SOD2: variants seen among roughly 807,000 people sequenced by gnomAD.
SOD2 encodes the protein superoxide dismutase [Mn], mitochondrial.
Under a neutral mutation model 27.0 loss-of-function variants are expected in SOD2, and 11 were observed. The ratio of observed to expected loss-of-function variants is 0.41; its 90% CI spans 0.26 to 0.67. The LOEUF is 0.67. Among genes scored for constraint, SOD2 ranks in the 30% least tolerant of loss-of-function variants. The probability of loss-of-function intolerance (pLI) is 0.34; values close to 1 mark genes in which losing one functional copy is unlikely to be tolerated. For synonymous variants in SOD2, 105 were observed against 103.0 expected, an observed-to-expected ratio of 1.02 and a Z score of -0.12; for missense variants, 250 against 274.5, an observed-to-expected ratio of 0.91 and a Z score of 0.63.
chr6:159,685,390 G>A (rs1306660909), intron 3 of SOD2, among the ~76,000 whole-genome samples: 1 of 151,848 alleles, frequency 6.6e-6, no homozygotes, highest in African/African-American at 2.4e-5. Flanking sequence ...TTACAGGCAC[G>A]TGCCATCACG....
chr6:159,715,236 A>G (rs1330875519), intron 1 of SOD2, among the ~76,000 whole-genome samples: 1 of 152,000 alleles, frequency 6.6e-6, no homozygotes, highest in Non-Finnish European at 1.5e-5. Context: ...GAAGACCTGG[A>G]TTGGCCAGTG....
chr6:159,732,129 T>C (rs1778609114), upstream of SOD2, among the ~76,000 whole-genome samples: 3 of 152,162 alleles, frequency 2.0e-5, no homozygotes, highest in Admixed American at 6.5e-5. Context: ...TGCTGTATTT[T>C]TGATCCGAGT....
chr6:159,749,900 T>C (rs1347998659), upstream of SOD2, among the ~76,000 whole-genome samples: 1 of 152,178 alleles, frequency 6.6e-6, no homozygotes, highest in African/African-American at 2.4e-5. Flanking sequence ...TTTCGCTTGG[T>C]GATAATGGAG....
At chr6:159,684,077 C>T (rs768001525) in intron 4 of SOD2, among the ~76,000 whole-genome samples, 41 of 152,100 alleles carry the variant, frequency 2.7e-4, no homozygotes, top group Admixed American at 4.6e-4. Flanking sequence ...CCTGGCACTT[C>T]CAAGCCGAAT....
In SOD2 at chr6:159,678,842, C is replaced by T. The variant is rs1012141805; in HGVS notation, c.*3651G>A. Reference sequence around the variant, plus strand: ...TGTCAGAATTGAATTATAGGACATCCAGCTGGTGTCCACTGGACAACCTGG... The same window carrying T: ...TGTCAGAATTGAATTATAGGACATCTAGCTGGTGTCCACTGGACAACCTGG... On this transcript the variant is annotated 3_prime_UTR_variant, in exon 5 of 5. Coordinates refer to ENST00000538183, the MANE Select transcript of SOD2 (RefSeq NM_000636.4). 6.6e-6 allele frequency: 1 copy of T among 152,216 alleles called. No individual in the cohort carries two copies. Among genetic ancestry groups the T allele is most frequent in the Admixed American group, 6.5e-5 (1 of 15,286 alleles). The allele number at this position is 152,216 out of a possible 1,614,324, so 9.4% of individuals were successfully genotyped here.
At chr6:159,711,697 CCACTCACACTGCTCTGAT>C (rs1382355530) in intron 1 of SOD2, among the ~76,000 whole-genome samples, 5 of 116,048 alleles carry the variant, frequency 4.3e-5, no homozygotes, top group Non-Finnish European at 9.3e-5. Context: ...TCCATAACCA[CCACTCACACTGCTCTGAT>C]CACCATAACC....
intron 1 of SOD2, among the ~76,000 whole-genome samples, chr6:159,744,324 T>A (rs1005591156): frequency 6.6e-6 from 1 of 152,236 alleles, no homozygotes; most frequent in African/African-American, 2.4e-5. Context: ...TCTGGTAGTT[T>A]AGGCTCAATC....
chr6:159,722,424 T>A (rs1009054704), intron 1 of SOD2, among the ~76,000 whole-genome samples: 2 of 152,118 alleles, frequency 1.3e-5, no homozygotes, highest in African/African-American at 4.8e-5. Flanking sequence ...ACAGGGTAAA[T>A]GCTATCTCCC....
chr6:159,708,725 C>G (rs1777673718), intron 1 of SOD2, among the ~76,000 whole-genome samples: 1 of 152,184 alleles, frequency 6.6e-6, no homozygotes, highest in Admixed American at 6.5e-5. Flanking sequence ...ATGCCATCCC[C>G]ATCAAGCTAC....
At chr6:159,682,665 C>A (rs1583003366) in intron 4 of SOD2, 27 bp from the exon 5 acceptor site, 1 of 1,593,806 alleles carries the variant, frequency 6.3e-7, no homozygotes, top group African/African-American at 1.4e-5. Context: ...GAAAACAAAC[C>A]AACCATCAGT....
intron 1 of SOD2, among the ~76,000 whole-genome samples, chr6:159,709,365 C>T (rs555987092): frequency 2.8e-4 from 42 of 152,246 alleles, no homozygotes; most frequent in Non-Finnish European, 5.1e-4. Flanking sequence ...GCAATCTACT[C>T]ATCTGACAAA....
upstream of SOD2, among the ~76,000 whole-genome samples, chr6:159,747,321 T>A (rs1779631298): frequency 6.6e-6 from 1 of 152,140 alleles, no homozygotes; most frequent in Non-Finnish European, 1.5e-5. Flanking sequence ...TGGAAAAAGC[T>A]CTAGACTGGG....
At chr6:159,748,310 T>C, upstream of SOD2, 3 of 1,614,024 alleles carry the variant, frequency 1.9e-6, no homozygotes, top group Non-Finnish European at 2.5e-6. The surrounding 1 kb of genome is among the most constrained non-coding windows in gnomAD (Gnocchi z 5.6). Flanking sequence ...TGGAACAGAC[T>C]AAAGACAAAC....
chr6:159,741,009 A>G (rs1583084801), intron 1 of SOD2, among the ~76,000 whole-genome samples: 1 of 152,080 alleles, frequency 6.6e-6, no homozygotes, highest in African/African-American at 2.4e-5. Flanking sequence ...TTATGTTGTA[A>G]TATTAATAAC....
At chr6:159,755,331 C>G (rs1293133707) in intron 1 of SOD2, 1 of 1,614,198 alleles carries the variant, frequency 6.2e-7, no homozygotes, top group East Asian at 2.2e-5. Context: ...GATGACTTTC[C>G]TTCTTCTCCA....
upstream of SOD2, among the ~76,000 whole-genome samples, chr6:159,729,568 T>C (rs1778439464): frequency 1.5e-5 from 2 of 135,986 alleles, no homozygotes; most frequent in Non-Finnish European, 3.1e-5. Context: ...GTTCATATTT[T>C]ATTTGAAAAA....
intron 1 of SOD2, among the ~76,000 whole-genome samples, chr6:159,710,688 G>A (rs1303082436): frequency 1.3e-5 from 2 of 151,102 alleles, no homozygotes; most frequent in East Asian, 3.9e-4. Context: ...CCCTCATACT[G>A]CTCTGATCAC....
upstream of SOD2, chr6:159,727,559 G>C (rs908408109): frequency 2.3e-5 from 23 of 988,768 alleles, no homozygotes; most frequent in African/African-American, 3.5e-4. Context: ...GGGAGCGCAG[G>C]GGTTGCGGCG....
At chr6:159,684,714 A>G in intron 4 of SOD2, 140 bp downstream of exon 4, 1 of 553,110 alleles carries the variant, frequency 1.8e-6, no homozygotes, top group Non-Finnish European at 3.1e-6. Flanking sequence ...ATTTTTACTT[A>G]CACAAGACTC....
Sources: gnomAD v4.1 joint callset for allele counts (sites outside exome capture counted in the v4.1 genomes callset) on GRCh38, gnomAD v4.1.1 for gene constraint, Gnocchi (gnomAD v3.1) non-coding constraint, MANE v1.5 for transcripts, NCBI Gene and HGNC (gene_info 2026-07-23, HGNC 2026-07-21) for gene names.